Variants in TRPC4 observed in about 807,000 individuals in gnomAD.
The protein encoded by TRPC4 is transient receptor potential cation channel subfamily C member 4, also known as short transient receptor potential channel 4.
TRPC4 carries 49 observed loss-of-function variants against 99.4 expected under a neutral mutation model. The observed-to-expected ratio is 0.49, with a 90% CI of 0.39 to 0.63. TRPC4 has a LOEUF of 0.63. TRPC4 is among the 20% of genes least tolerant of loss of function. TRPC4 has a pLI of 0.00. For synonymous variants in TRPC4, 454 were observed against 425.9 expected, an observed-to-expected ratio of 1.07 and a Z score of -0.81; for missense variants, 898 against 1,152.9, an observed-to-expected ratio of 0.78 and a Z score of 3.20.
intron 1 of TRPC4, among the ~76,000 whole-genome samples, chr13:37,845,871 T>C (rs1406312684): frequency 6.6e-6 from 1 of 152,146 alleles, no homozygotes; most frequent in East Asian, 1.9e-4. Flanking sequence ...CCAAGATACA[T>C]TATAATCAAA....
intron 2 of TRPC4, among the ~76,000 whole-genome samples, chr13:37,757,288 A>G (rs961071089): frequency 1.3e-5 from 2 of 152,050 alleles, no homozygotes; most frequent in African/African-American, 2.4e-5. Flanking sequence ...CTTTTGGCCT[A>G]CATTCATAAT....
Position 37,783,349 on chromosome 13 carries a change from A to G in TRPC4, c.-16T>C, listed in dbSNP as rs1956892539. 1.3e-6 allele frequency: 2 copies of G among 1,525,276 alleles called. No homozygotes were observed. The highest frequency in any genetic ancestry group is 8.8e-7 in the Non-Finnish European group (1 of 1,137,416). 94.5% of individuals were successfully genotyped at this position (1,525,276 alleles called of 1,614,324 possible). A position where few individuals can be genotyped will look rare whatever the true frequency, so the allele number is the denominator to read the frequency against. On this transcript the variant is annotated 5_prime_UTR_variant, in exon 2 of 11. The change abolishes the stop of an existing upstream ORF in the 5' untranslated region. Coordinates refer to ENST00000379705, the MANE Select transcript of TRPC4 (RefSeq NM_016179.4). ...ACTGAGCCATGTTTCATGCCATGCT[A>G]TTTCTTCGTCTCTGAAAGTAGAAAC...
intron 2 of TRPC4, among the ~76,000 whole-genome samples, chr13:37,775,470 C>T (rs1248282322): frequency 6.6e-6 from 1 of 150,728 alleles, no homozygotes; most frequent in Non-Finnish European, 1.5e-5. Flanking sequence ...CACAGGTAAA[C>T]GTGTGTCACG....
In TRPC4 at chr13:37,842,369, AAGG is replaced by A. The variant is rs1288932635; in HGVS notation, c.-28+27223_-28+27225del. Among the ~76,000 whole-genome samples, 139 of 131,534 alleles carry A rather than the reference AAGG, an allele frequency of 1.1e-3. 7 individuals are homozygous for A. Among genetic ancestry groups the A allele is most frequent in the South Asian group, 2.9e-3 (12 of 4,196 alleles). The allele number at this position is 131,534 out of a possible 152,430, so 86.3% of individuals were successfully genotyped here. On this transcript the variant is annotated intron_variant, in intron 1 of 10. Transcript: ENST00000379705. ...AAAAAAAAAAAAAAAAAAAAAAAAAAAGGAAAAGGAAAAGTATAAATCGGGGGC... is the reference window on the plus strand; with the variant it reads ...AAAAAAAAAAAAAAAAAAAAAAAAAAAAAAGGAAAAGTATAAATCGGGGGC...
intron 3 of TRPC4, among the ~76,000 whole-genome samples, chr13:37,742,597 G>A (rs1370189520): frequency 6.6e-6 from 1 of 152,138 alleles, no homozygotes; most frequent in Non-Finnish European, 1.5e-5. Flanking sequence ...TGCTCCTGCG[G>A]TGAGACAAGA....
At chr13:37,723,871 G>A (rs991822326) in intron 3 of TRPC4, among the ~76,000 whole-genome samples, 1 of 151,850 alleles carries the variant, frequency 6.6e-6, no homozygotes, top group East Asian at 1.9e-4. Flanking sequence ...TTTTTAATAC[G>A]GAAAAAATTA....
intron 3 of TRPC4, among the ~76,000 whole-genome samples, chr13:37,734,003 G>A (rs1279823334): frequency 1.3e-5 from 2 of 152,102 alleles, no homozygotes; most frequent in Non-Finnish European, 2.9e-5. Flanking sequence ...CCCAACAGAG[G>A]AGCCATTCAC....
chr13:37,841,503 A>C (rs1321647678), intron 1 of TRPC4, among the ~76,000 whole-genome samples: 1 of 152,022 alleles, frequency 6.6e-6, no homozygotes. Context: ...CCCATATCTA[A>C]TAAATAGCTA....
chr13:37,786,485 T>G (rs2139366451), intron 1 of TRPC4, among the ~76,000 whole-genome samples: 1 of 152,032 alleles, frequency 6.6e-6, no homozygotes, highest in East Asian at 1.9e-4. Context: ...AACAATAAAG[T>G]TTAACATTTT....
chr13:37,852,177 T>C (rs1959076565), intron 1 of TRPC4, among the ~76,000 whole-genome samples: 1 of 151,978 alleles, frequency 6.6e-6, no homozygotes, highest in Admixed American at 6.5e-5. Flanking sequence ...TATGCCATCC[T>C]CCCCCAACCC....
chr13:37,814,920 A>G (rs1036660182), intron 1 of TRPC4, among the ~76,000 whole-genome samples: 3 of 151,842 alleles, frequency 2.0e-5, no homozygotes, highest in Non-Finnish European at 4.4e-5. Context: ...GCATTATCTG[A>G]TTTCTAAACT....
intron 1 of TRPC4, among the ~76,000 whole-genome samples, chr13:37,803,647 CTT>C (rs1448429370): frequency 1.4e-4 from 22 of 152,108 alleles, no homozygotes; most frequent in East Asian, 1.9e-4. Context: ...TTTTATTAAA[CTT>C]ATATTAATAG....
Position 37,747,627 on chromosome 13 carries a change from C to T in TRPC4, c.379-1172G>A, listed in dbSNP as rs550858729. On this transcript the variant is annotated intron_variant, in intron 2 of 10. Coordinates refer to ENST00000379705, the MANE Select transcript of TRPC4 (RefSeq NM_016179.4). ...AAAAACGACACTCATGATGACACTT[C>T]ATTAATGCTACTTTTAAATATAGGT... 4.1e-4 allele frequency among the ~76,000 whole-genome samples: 63 copies of T among 152,234 alleles called. 1 individual carries two copies. In the South Asian group the frequency reaches 0.013, roughly 32 times the overall value.
chr13:37,832,539 A>AAAC (rs923216542), intron 1 of TRPC4, among the ~76,000 whole-genome samples: 17 of 152,192 alleles, frequency 1.1e-4, no homozygotes, highest in East Asian at 3.9e-4. Context: ...ACTCCGTCAA[A>AAAC]AACAACAACA....
rs551417794 is a variant in TRPC4, at chr13:37,633,167, T to C, written c.*3736A>G. Among the ~76,000 whole-genome samples, 1 of 152,296 alleles carries C rather than the reference T, an allele frequency of 6.6e-6. No homozygotes were observed. Among genetic ancestry groups the C allele is most frequent in the Admixed American group, 6.5e-5 (1 of 15,278 alleles). ...TATAAATAAAATGTCTTTTCAGACA[T>C]TGTAAAATCAGAATAATGGTTTTGA... On this transcript the variant is annotated 3_prime_UTR_variant, in exon 11 of 11. Transcript: ENST00000379705.
intron 3 of TRPC4, among the ~76,000 whole-genome samples, chr13:37,731,193 A>T (rs1955227503): frequency 6.6e-6 from 1 of 152,082 alleles, no homozygotes; most frequent in African/African-American, 2.4e-5. Context: ...TGTTCGAAAT[A>T]ATCTATTATT....
intron 3 of TRPC4, among the ~76,000 whole-genome samples, chr13:37,737,868 C>T (rs1955448663): frequency 6.6e-6 from 1 of 152,092 alleles, no homozygotes; most frequent in Non-Finnish European, 1.5e-5. Context: ...TTCTTATACC[C>T]TTAGATGATC....
At chr13:37,651,508 G>T in intron 7 of TRPC4, 49 bp from the exon 8 acceptor site, 2 of 1,542,086 alleles carry the variant, frequency 1.3e-6, no homozygotes, top group Non-Finnish European at 8.9e-7. Context: ...AATTAACAAG[G>T]TACCATAAAT....
chr13:37,778,003 G>T (rs1158544435), intron 2 of TRPC4, among the ~76,000 whole-genome samples: 1 of 151,936 alleles, frequency 6.6e-6, no homozygotes, highest in Non-Finnish European at 1.5e-5. Flanking sequence ...GGAGTGTCTG[G>T]GGTCACAATT....
Sources: allele counts gnomAD v4.1 joint callset (sites outside exome capture counted in the v4.1 genomes callset), GRCh38; gene constraint gnomAD v4.1.1; transcripts MANE v1.5; gene names NCBI Gene and HGNC (gene_info 2026-07-23, HGNC 2026-07-21).